The following SPOCK3 variants were observed in gnomAD, a reference collection of about 807,000 sequenced individuals.
SPOCK3 encodes testican-3.
Under a neutral mutation model 56.6 loss-of-function variants are expected in SPOCK3, and 30 were observed. The ratio of observed to expected loss-of-function variants is 0.53; its 90% CI spans 0.40 to 0.72. SPOCK3 has a LOEUF of 0.72. Among genes scored for constraint, SPOCK3 ranks in the 30% least tolerant of loss-of-function variants. The pLI, the probability that SPOCK3 is intolerant of heterozygous loss-of-function variation, is 0.00. For missense variants in SPOCK3, 527 were observed against 530.0 expected, an observed-to-expected ratio of 0.99 and a Z score of 0.06; for synonymous variants, 196 against 183.3, an observed-to-expected ratio of 1.07 and a Z score of -0.56.
chr4:166,960,295 G>T (rs958524698), intron 4 of SPOCK3, among the ~76,000 whole-genome samples: 2 of 152,056 alleles, frequency 1.3e-5, no homozygotes, highest in African/African-American at 4.8e-5. Flanking sequence ...CCTAGCAGAT[G>T]GTAGGTATCA....
intron 4 of SPOCK3, among the ~76,000 whole-genome samples, chr4:166,987,738 ATAAAG>A (rs1214204225): frequency 1.3e-5 from 2 of 152,222 alleles, no homozygotes; most frequent in African/African-American, 4.8e-5. Context: ...AAATTAATAA[ATAAAG>A]TAATCACAAG....
chr4:167,148,833 T>C (rs1213911615), intron 2 of SPOCK3, among the ~76,000 whole-genome samples: 2 of 152,154 alleles, frequency 1.3e-5, no homozygotes, highest in African/African-American at 4.8e-5. Context: ...TAAAAATAAT[T>C]TGCAAGGCAA....
chr4:166,851,395 C>A (rs1016028707), intron 6 of SPOCK3, among the ~76,000 whole-genome samples: 2 of 152,200 alleles, frequency 1.3e-5, no homozygotes, highest in Non-Finnish European at 2.9e-5. Flanking sequence ...ACTGGAAACT[C>A]TAAAAAGCAG....
At chr4:166,938,057 G>T (rs1740647280) in intron 4 of SPOCK3, among the ~76,000 whole-genome samples, 1 of 151,362 alleles carries the variant, frequency 6.6e-6, no homozygotes, top group Non-Finnish European at 1.5e-5. Flanking sequence ...CTCCCAAAGT[G>T]CTGGGATTAC....
In SPOCK3 at chr4:167,038,663, C is replaced by CAAA. The variant is rs558863795; in HGVS notation, c.235+23826_235+23828dup. On this transcript the variant is annotated intron_variant, in intron 3 of 10. Coordinates refer to ENST00000357545, the MANE Select transcript of SPOCK3 (RefSeq NM_001040159.2). ...TGGTGCATGTTTTGTTTATTTTTTC[C>CAAA]AAAAAAAAAAAAAAAAAAAAAAATC... 6.0e-3 allele frequency among the ~76,000 whole-genome samples: 648 copies of CAAA among 107,790 alleles called. 3 individuals carry two copies. Among genetic ancestry groups the CAAA allele is most frequent in the African/African-American group, 0.011 (364 of 31,798 alleles). The allele number at this position is 107,790 out of a possible 152,430, so 70.7% of individuals were successfully genotyped here. A position where few individuals can be genotyped will look rare whatever the true frequency, so the allele number is the denominator to read the frequency against.
At chr4:167,004,314 T>TA (rs1166664445) in intron 3 of SPOCK3, among the ~76,000 whole-genome samples, 3 of 151,988 alleles carry the variant, frequency 2.0e-5, no homozygotes, top group African/African-American at 7.3e-5. Flanking sequence ...GAAGCTCCAG[T>TA]ATAAGTAGAT....
intron 5 of SPOCK3, among the ~76,000 whole-genome samples, chr4:166,892,312 G>A (rs568033468): frequency 6.6e-6 from 1 of 151,816 alleles, no homozygotes; most frequent in African/African-American, 2.4e-5. Flanking sequence ...ATTTCAGAAT[G>A]ATTCTACTCA....
intron 6 of SPOCK3, among the ~76,000 whole-genome samples, chr4:166,848,917 CTA>C (rs1271364079): frequency 2.6e-5 from 4 of 152,294 alleles, no homozygotes; most frequent in South Asian, 2.1e-4. Context: ...GTGATGTAAA[CTA>C]TGTCGTTGAT....
chr4:166,835,797 C>T (rs570173949), intron 6 of SPOCK3, among the ~76,000 whole-genome samples: 3 of 152,128 alleles, frequency 2.0e-5, no homozygotes, highest in Admixed American at 6.5e-5. Flanking sequence ...ATCGGGAGTT[C>T]GAGACCAGCC....
rs138820878 is a variant in SPOCK3, at chr4:167,016,604, G to A, written c.236-16141C>T. Among the ~76,000 whole-genome samples the A allele has an allele frequency of 3.9e-3, 590 of 151,228 alleles. 5 individuals are homozygous for A. Among genetic ancestry groups the A allele is most frequent in the African/African-American group, 0.013 (542 of 41,184 alleles). On this transcript the variant is annotated intron_variant, in intron 3 of 10. Coordinates refer to ENST00000357545, the MANE Select transcript of SPOCK3 (RefSeq NM_001040159.2). ...TCACCAGGCTGGAGTGCAGTGGCGC[G>A]ATCTCAGCTCATTGCAACATTTGCC...
chr4:166,868,132 T>C lies in SPOCK3; in HGVS notation c.589+20998A>G, dbSNP rs143998355. ...TGTTTCTTGCTACTCTAGTTACACATTCTGGAAGCAAAATTTAAAAATTAC... is the reference window on the plus strand; with the variant it reads ...TGTTTCTTGCTACTCTAGTTACACACTCTGGAAGCAAAATTTAAAAATTAC... On this transcript the variant is annotated intron_variant, in intron 6 of 10. Coordinates refer to ENST00000357545, the MANE Select transcript of SPOCK3 (RefSeq NM_001040159.2). Among the ~76,000 whole-genome samples the C allele has an allele frequency of 3.4e-4, 52 of 152,018 alleles. 1 individual carries two copies. The highest frequency in any genetic ancestry group is 1.2e-3 in the African/African-American group (51 of 41,492).
intron 7 of SPOCK3, among the ~76,000 whole-genome samples, chr4:166,763,454 G>T (rs1042224364): frequency 2.6e-5 from 4 of 152,026 alleles, no homozygotes; most frequent in African/African-American, 9.7e-5. Flanking sequence ...ATACCAGATG[G>T]AAATCTGGAT....
chr4:166,944,270 G>A (rs181721828), intron 4 of SPOCK3, among the ~76,000 whole-genome samples: 33 of 151,822 alleles, frequency 2.2e-4, no homozygotes, highest in East Asian at 2.1e-3. Context: ...ATGAGTATCC[G>A]TTGCTGACAT....
intron 8 of SPOCK3, among the ~76,000 whole-genome samples, chr4:166,749,123 C>T (rs1407396489): frequency 1.5e-5 from 2 of 136,968 alleles, no homozygotes; most frequent in East Asian, 2.0e-4. Context: ...TTGACCCAGC[C>T]ATCCCATTAC....
At chr4:167,143,306 T>C (rs1220110761) in intron 2 of SPOCK3, among the ~76,000 whole-genome samples, 2 of 151,982 alleles carry the variant, frequency 1.3e-5, no homozygotes, top group African/African-American at 2.4e-5. Flanking sequence ...AGGTAACTTG[T>C]AAAGTGGAAA....
chr4:167,187,667 T>A (rs548511729), intron 2 of SPOCK3, among the ~76,000 whole-genome samples: 16 of 152,244 alleles, frequency 1.1e-4, no homozygotes, highest in Admixed American at 9.2e-4. Flanking sequence ...AATTTTTCAC[T>A]TAAAATCTTT....
intron 2 of SPOCK3, among the ~76,000 whole-genome samples, chr4:167,105,831 G>A (rs998250077): frequency 2.0e-5 from 3 of 151,792 alleles, no homozygotes; most frequent in African/African-American, 4.8e-5. Flanking sequence ...CAAAAAAAGA[G>A]CAGGAGTAGT....
At chr4:166,857,210 T>C (rs1037195772) in intron 6 of SPOCK3, among the ~76,000 whole-genome samples, 2 of 152,244 alleles carry the variant, frequency 1.3e-5, no homozygotes, top group African/African-American at 2.4e-5. Flanking sequence ...AGCTCACTCA[T>C]GCAGATAGCA....
At chr4:166,983,580 A>G (rs927649886) in intron 4 of SPOCK3, among the ~76,000 whole-genome samples, 2 of 152,118 alleles carry the variant, frequency 1.3e-5, no homozygotes, top group Admixed American at 6.5e-5. Context: ...TGGGATGGCT[A>G]TAGTTAATAG....
Sources: gnomAD v4.1 joint callset for allele counts (sites outside exome capture counted in the v4.1 genomes callset) on GRCh38, gnomAD v4.1.1 for gene constraint, MANE v1.5 for transcripts, NCBI Gene and HGNC (gene_info 2026-07-23, HGNC 2026-07-21) for gene names.